Variants in ANXA4 observed in about 807,000 individuals in gnomAD.
ANXA4 encodes the protein 35-beta calcimedin.
Under a neutral mutation model 49.8 loss-of-function variants are expected in ANXA4, and 39 were observed. The ratio of observed to expected loss-of-function variants is 0.78; its 90% CI spans 0.61 to 1.02. The LOEUF is 1.02. Ranked by LOEUF, ANXA4 falls within the 50% of genes least tolerant of loss-of-function variation. The probability of loss-of-function intolerance (pLI) is 0.00; values close to 1 mark genes in which losing one functional copy is unlikely to be tolerated. For synonymous variants in ANXA4, 134 were observed against 152.5 expected (o/e 0.88, Z 0.89); for missense variants, 360 against 410.1 (o/e 0.88, Z 1.05).
rs137930602 is a variant in ANXA4, at chr2:69,760,991, G to A, written c.-47+18816G>A. Among the ~76,000 whole-genome samples, 984 of 141,412 alleles carry A rather than the reference G, an allele frequency of 7.0e-3. 15 individuals carry two copies. Among genetic ancestry groups the A allele is most frequent in the African/African-American group, 0.025 (935 of 37,954 alleles). The allele number at this position is 141,412 out of a possible 152,430, so 92.8% of individuals were successfully genotyped here. On this transcript the variant is annotated intron_variant, in intron 1 of 12. Transcript: ENST00000394295. ...AGCCTGGGCAACATAGTGACACCTCGTCTCTATTAAATTAATTAATTAATT... is the reference window on the plus strand; with the variant it reads ...AGCCTGGGCAACATAGTGACACCTCATCTCTATTAAATTAATTAATTAATT...
At chr2:69,774,275 A>T (rs373790554) in intron 1 of ANXA4, among the ~76,000 whole-genome samples, 1 of 146,144 alleles carries the variant, frequency 6.8e-6, no homozygotes, top group East Asian at 2.0e-4. Context: ...ATTCAATAAG[A>T]CTCCCTTGGT....
At chr2:69,778,146 T>G (rs891780227) in intron 1 of ANXA4, among the ~76,000 whole-genome samples, 1 of 152,312 alleles carries the variant, frequency 6.6e-6, no homozygotes, top group African/African-American at 2.4e-5. Context: ...AAAAGCAGGA[T>G]TTCACCCATG....
chr2:69,735,836 A>G (rs1320347973), intron 3 of ANXA4, among the ~76,000 whole-genome samples: 1 of 152,130 alleles, frequency 6.6e-6, no homozygotes, highest in Non-Finnish European at 1.5e-5. Flanking sequence ...CCCACTCAGA[A>G]TGTGTCAACT....
At chr2:69,791,359 T>C (rs1257184835) in intron 3 of ANXA4, among the ~76,000 whole-genome samples, 1 of 152,226 alleles carries the variant, frequency 6.6e-6, no homozygotes, top group Admixed American at 6.5e-5. Flanking sequence ...ACAACCAGTT[T>C]TTCCAATTGT....
intron 1 of ANXA4, among the ~76,000 whole-genome samples, chr2:69,748,082 A>T (rs1163645103): frequency 6.6e-6 from 1 of 152,134 alleles, no homozygotes; most frequent in East Asian, 1.9e-4. Context: ...GGAGATAATT[A>T]GAGAAAAGGC....
intron 2 of ANXA4, among the ~76,000 whole-genome samples, chr2:69,708,239 C>G (rs770115385): frequency 2.6e-5 from 4 of 152,130 alleles, no homozygotes; most frequent in Non-Finnish European, 4.4e-5. Context: ...ATGATTCCCC[C>G]CTTCCTCTCA....
intron 2 of ANXA4, among the ~76,000 whole-genome samples, chr2:69,706,292 CTTTTTTTTTTTTTTTT>C (rs916740716): frequency 3.4e-5 from 2 of 59,292 alleles, no homozygotes; most frequent in East Asian, 5.7e-4. Context: ...GGTACAATTC[CTTTTTTTTTTTTTTTT>C]TTTTTTTTTT....
At chr2:69,659,924 G>A (rs1326109259) in intron 2 of ANXA4, among the ~76,000 whole-genome samples, 1 of 149,842 alleles carries the variant, frequency 6.7e-6, no homozygotes, top group East Asian at 2.2e-4. Context: ...GGCATACCTA[G>A]GAATGAAGCA....
At chr2:69,813,756 CTCTT>C (rs1199975456) in intron 8 of ANXA4, among the ~76,000 whole-genome samples, 19 of 84,676 alleles carry the variant, frequency 2.2e-4, no homozygotes, top group South Asian at 4.4e-4. Context: ...CTCTCTCTCT[CTCTT>C]TTTTTTTTTT....
intron 1 of ANXA4, among the ~76,000 whole-genome samples, chr2:69,763,252 C>T (rs897757975): frequency 4.9e-4 from 74 of 152,122 alleles, no homozygotes; most frequent in African/African-American, 1.8e-3. Flanking sequence ...AGAGCTGGAA[C>T]TTGATGACTT....
chr2:69,705,974 T>A (rs11886697), intron 2 of ANXA4, among the ~76,000 whole-genome samples: 5,550 of 152,070 alleles, frequency 0.036, 347 homozygotes, highest in African/African-American at 0.13. Context: ...TCAAAGTGCT[T>A]TAAGGTACAT....
chr2:69,814,436 C>T (rs1673866282), intron 8 of ANXA4, among the ~76,000 whole-genome samples: 1 of 149,930 alleles, frequency 6.7e-6, no homozygotes, highest in South Asian at 2.1e-4. Context: ...ACCTTCACCT[C>T]CCAGGCTCAA....
intron 1 of ANXA4, among the ~76,000 whole-genome samples, chr2:69,775,454 G>A: frequency 6.6e-6 from 1 of 152,212 alleles, no homozygotes; most frequent in East Asian, 1.9e-4. Context: ...CGTACCATGA[G>A]TGGCTGTTAC....
chr2:69,720,089 C>A (rs933997998), intron 2 of ANXA4, among the ~76,000 whole-genome samples: 2 of 152,170 alleles, frequency 1.3e-5, no homozygotes, highest in Non-Finnish European at 2.9e-5. Context: ...CGAGCTCCCC[C>A]TCCAAATAAG....
At chr2:69,648,229 G>C (rs1226653874) in intron 1 of ANXA4, among the ~76,000 whole-genome samples, 1 of 152,196 alleles carries the variant, frequency 6.6e-6, no homozygotes, top group Non-Finnish European at 1.5e-5. Context: ...GGCTGAGCAG[G>C]ATTAGAGTCT....
In ANXA4 at chr2:69,826,976, G is replaced by A. The variant is rs1188752918; in HGVS notation, c.*1461G>A. 6.6e-6 allele frequency: 1 copy of A among 152,050 alleles called. No individual in the cohort carries two copies. The allele number at this position is 152,050 out of a possible 1,614,324, so 9.4% of individuals were successfully genotyped here. ...GTCTTATGCGTGCCTACTGGCTAAT[G>A]TTCACATATGCCAAACACTACTCAA... On this transcript the variant is annotated 3_prime_UTR_variant, in exon 13 of 13. Coordinates refer to ENST00000394295, the MANE Select transcript of ANXA4 (RefSeq NM_001153.5).
chr2:69,675,791 A>G (rs1334962248), intron 2 of ANXA4, among the ~76,000 whole-genome samples: 1 of 152,166 alleles, frequency 6.6e-6, no homozygotes, highest in African/African-American at 2.4e-5. Context: ...TGGGAGGCCA[A>G]GGCGGGCAGA....
intron 1 of ANXA4, among the ~76,000 whole-genome samples, chr2:69,764,297 G>A (rs914566186): frequency 4.6e-5 from 7 of 152,148 alleles, no homozygotes; most frequent in African/African-American, 1.2e-4. Flanking sequence ...GAAATTAAGC[G>A]ATCTTTCATG....
At chr2:69,767,465 G>T (rs751096615) in intron 1 of ANXA4, among the ~76,000 whole-genome samples, 23 of 152,164 alleles carry the variant, frequency 1.5e-4, no homozygotes, top group Non-Finnish European at 2.5e-4. Flanking sequence ...CTGTTTTAAG[G>T]GAGGGCCACA....
Sources: gnomAD v4.1 joint callset for allele counts (sites outside exome capture counted in the v4.1 genomes callset) on GRCh38, gnomAD v4.1.1 for gene constraint, MANE v1.5 for transcripts, NCBI Gene and HGNC (gene_info 2026-07-23, HGNC 2026-07-21) for gene names.